Variants in HELZ observed in about 807,000 individuals in gnomAD.
The protein encoded by HELZ is helicase with zinc finger.
Under a neutral mutation model 218.2 loss-of-function variants are expected in HELZ, and 23 were observed. The ratio of observed to expected loss-of-function variants is 0.11; its 90% CI spans 0.08 to 0.15. HELZ has a LOEUF of 0.15. Among genes scored for constraint, HELZ ranks in the 10% least tolerant of loss-of-function variants. The pLI is 1.00. For missense variants in HELZ, 1,813 were observed against 2,353.7 expected (o/e 0.77, Z 4.75); for synonymous variants, 814 against 829.4 (o/e 0.98, Z 0.32).
intron 17 of HELZ, among the ~76,000 whole-genome samples, chr17:67,154,959 A>C (rs1484303536): frequency 1.3e-5 from 2 of 152,240 alleles, no homozygotes; most frequent in Non-Finnish European, 2.9e-5. Context: ...CTGGTAAGCA[A>C]ATACTAAAGA....
At chr17:67,221,479 G>A (rs1284977222) in intron 3 of HELZ, among the ~76,000 whole-genome samples, 3 of 152,164 alleles carry the variant, frequency 2.0e-5, no homozygotes, top group Non-Finnish European at 4.4e-5. Context: ...ACAAAAAGAA[G>A]TCGTAAGAAA....
chr17:67,128,287 A>T (rs915539823), intron 24 of HELZ, among the ~76,000 whole-genome samples: 1 of 152,244 alleles, frequency 6.6e-6, no homozygotes, highest in Non-Finnish European at 1.5e-5. Flanking sequence ...ATTATTCCTT[A>T]TAAAGAATAT....
At chr17:67,122,840 A>T in intron 26 of HELZ, 130 bp downstream of exon 26, 1 of 610,232 alleles carries the variant, frequency 1.6e-6, no homozygotes, top group Non-Finnish European at 2.8e-6. Flanking sequence ...CATTTGCTTT[A>T]AAAGAAGATT....
At chr17:67,149,162 A>G (rs769070561) in intron 19 of HELZ, among the ~76,000 whole-genome samples, 18 of 152,234 alleles carry the variant, frequency 1.2e-4, no homozygotes, top group Non-Finnish European at 2.5e-4. Context: ...CTTATGAAGT[A>G]TAAGGAGCCA....
At chr17:67,189,393 C>A (rs2039836849) in intron 11 of HELZ, among the ~76,000 whole-genome samples, 196 bp downstream of exon 11, 1 of 152,076 alleles carries the variant, frequency 6.6e-6, no homozygotes, top group Non-Finnish European at 1.5e-5. Context: ...ACAAAGATCT[C>A]ATCTAAAAGT....
At chr17:67,212,323 A>AAAAAAAAAAAAAAAG (rs2040478017) in intron 5 of HELZ, among the ~76,000 whole-genome samples, 1 of 146,152 alleles carries the variant, frequency 6.8e-6, no homozygotes, top group Admixed American at 6.9e-5. Flanking sequence ...TCAAAAAAAA[A>AAAAAAAAAAAAAAAG]AAAAAAAAAA....
At chr17:67,123,815 CTGTGTGTG>C (rs58616216) in intron 25 of HELZ, 140 bp downstream of exon 25, 101 of 535,046 alleles carry the variant, frequency 1.9e-4, no homozygotes, top group African/African-American at 1.6e-3. Context: ...TCCAAAGTGA[CTGTGTGTG>C]TGTGTGTGTG....
chr17:67,121,844 A>T (rs771390358), intron 26 of HELZ, among the ~76,000 whole-genome samples: 8 of 152,222 alleles, frequency 5.3e-5, no homozygotes, highest in Admixed American at 1.3e-4. Context: ...GAATTTCTCA[A>T]ATCAATTTAG....
intron 23 of HELZ, 31 bp from the exon 24 acceptor site, chr17:67,128,886 A>G: frequency 6.9e-7 from 1 of 1,456,062 alleles, no homozygotes; most frequent in Non-Finnish European, 9.6e-7. Context: ...ATCAGATTAC[A>G]ATTCAATGGA....
At chr17:67,133,758 G>A (rs756898963) in intron 23 of HELZ, among the ~76,000 whole-genome samples, 4 of 152,130 alleles carry the variant, frequency 2.6e-5, no homozygotes, top group Non-Finnish European at 4.4e-5. Flanking sequence ...CAAGCAATCC[G>A]CCCACCAGGG....
chr17:67,208,463 A>G (rs1356012332), intron 5 of HELZ, among the ~76,000 whole-genome samples: 1 of 152,204 alleles, frequency 6.6e-6, no homozygotes, highest in Non-Finnish European at 1.5e-5. Flanking sequence ...ACTGGGGGAA[A>G]GTAGGTGAAG....
rs1567876788 is a variant in HELZ, at chr17:67,190,172, C to T, written c.741G>A (p.Leu247=). The change falls in exon 10 of 33, where the codon TTG becomes TTA. Residue 247 remains leucine (L), a synonymous_variant. Coordinates refer to ENST00000358691, the MANE Select transcript of HELZ (RefSeq NM_014877.4). ...ETLIEKWMNS[L]SPEKVLSECI... ...TTTTCCTCACCACTTTCTCAGGAGA[C>T]AATGAATTCATCCACTTTTCTATCA... is the stretch of plus-strand genomic sequence containing the variant. The T allele has an allele frequency of 6.2e-7, 1 of 1,613,636 alleles. No homozygotes were observed. Among genetic ancestry groups the T allele is most frequent in the South Asian group, 1.1e-5 (1 of 91,072 alleles).
chr17:67,203,257 T>C (rs1053995360), intron 6 of HELZ, 62 bp downstream of exon 6: 38 of 1,551,220 alleles, frequency 2.4e-5, no homozygotes, highest in East Asian at 2.3e-5. Context: ...CCCCACAATA[T>C]ACCTAAGGAA....
At chr17:67,086,643 T>TAAATAAATATAAATATAA (rs1403051540) in intron 32 of HELZ, among the ~76,000 whole-genome samples, 186 bp downstream of exon 32, 1 of 126,024 alleles carries the variant, frequency 7.9e-6, no homozygotes, top group Non-Finnish European at 1.7e-5. Flanking sequence ...TATATATATA[T>TAAATAAATATAAATATAA]ATATATATAT....
chr17:67,124,308 C>T (rs1303652456), intron 24 of HELZ, among the ~76,000 whole-genome samples: 1 of 152,050 alleles, frequency 6.6e-6, no homozygotes, highest in African/African-American at 2.4e-5. Context: ...ACGCAATCAA[C>T]ATGATTTAAA....
In HELZ at chr17:67,071,769, G is replaced by C. The variant is rs1269688706; in HGVS notation, c.*6483C>G. 1.3e-5 allele frequency: 2 copies of C among 152,458 alleles called. No individual in the cohort carries two copies. The highest frequency in any genetic ancestry group is 1.3e-4 in the Admixed American group (2 of 15,276). The allele number at this position is 152,458 out of a possible 1,614,324, so 9.4% of individuals were successfully genotyped here. On this transcript the variant is annotated 3_prime_UTR_variant, in exon 33 of 33. Coordinates refer to ENST00000358691, the MANE Select transcript of HELZ (RefSeq NM_014877.4). ...TCTCAAAAATAACTTGCTCATACAT[G>C]TGCACCTATGACTTATGAATAATTC...
intron 4 of HELZ, among the ~76,000 whole-genome samples, chr17:67,216,526 T>C (rs978130919): frequency 6.6e-6 from 1 of 152,112 alleles, no homozygotes; most frequent in Non-Finnish European, 1.5e-5. Flanking sequence ...CTAGCTACCA[T>C]TCCTTTTTCT....
intron 32 of HELZ, among the ~76,000 whole-genome samples, chr17:67,078,787 C>G (rs1196638318): frequency 6.6e-6 from 1 of 152,204 alleles, no homozygotes; most frequent in African/African-American, 2.4e-5. Context: ...ACACATAAAA[C>G]AGCCATGAGA....
Position 67,086,859 on chromosome 17 carries a change from T to C in HELZ, c.5464A>G (p.Ser1822Gly). 1 of 1,613,732 alleles carries C rather than the reference T, an allele frequency of 6.2e-7. No homozygotes were observed. Among genetic ancestry groups the C allele is most frequent in the Non-Finnish European group, 8.5e-7 (1 of 1,179,984 alleles). ...AACTCTCTGGGCTGAGCTGTCCTGC[T>C]GGATCCATTGCACGGAATGTTCTGA... The part of the protein sequence containing the change: ...PYQNIPCNGS[S>G]RTAQPRELIA... Residue 1822 changes from serine to glycine, a missense_variant, in exon 32 of 33, where the codon AGC (serine) becomes GGC (glycine). Coordinates refer to ENST00000358691, the MANE Select transcript of HELZ (RefSeq NM_014877.4).
Sources: allele counts gnomAD v4.1 joint callset (sites outside exome capture counted in the v4.1 genomes callset), GRCh38; gene constraint gnomAD v4.1.1; transcripts MANE v1.5; gene names NCBI Gene and HGNC (gene_info 2026-07-23, HGNC 2026-07-21).